SORCS1: variants seen among roughly 807,000 people sequenced by gnomAD.
SORCS1 encodes sortilin related VPS10 domain containing receptor 1, also known as VPS10 domain-containing receptor SorCS1.
SORCS1 carries 60 observed loss-of-function variants against 146.1 expected under a neutral mutation model. That is an observed-to-expected ratio of 0.41 (90% confidence interval 0.33 to 0.51). The LOEUF is 0.51. Among genes scored for constraint, SORCS1 ranks in the 20% least tolerant of loss-of-function variants. The probability of loss-of-function intolerance (pLI) is 0.21; values close to 1 mark genes in which losing one functional copy is unlikely to be tolerated. For missense variants in SORCS1, 1,352 were observed against 1,487.6 expected, an observed-to-expected ratio of 0.91 and a Z score of 1.50; for synonymous variants, 637 against 584.0, an observed-to-expected ratio of 1.09 and a Z score of -1.31.
At chr10:106,592,169 G>A (rs1020859605) in intron 24 of SORCS1, among the ~76,000 whole-genome samples, 3 of 152,104 alleles carry the variant, frequency 2.0e-5, no homozygotes, top group African/African-American at 7.2e-5. Flanking sequence ...TTTCCGCAAA[G>A]AGAATTTCAG....
chr10:107,143,922 C>T (rs1214554531), intron 1 of SORCS1, among the ~76,000 whole-genome samples: 3 of 152,066 alleles, frequency 2.0e-5, no homozygotes, highest in African/African-American at 4.8e-5. Context: ...TGAGCCACTG[C>T]GCCCAGCCCC....
intron 2 of SORCS1, among the ~76,000 whole-genome samples, chr10:106,833,778 CTTTT>C (rs1226447593): frequency 2.2e-5 from 3 of 134,654 alleles, no homozygotes; most frequent in Non-Finnish European, 3.2e-5. Context: ...CAATTTCTTT[CTTTT>C]GTTATTATTA....
At chr10:106,619,456 A>G (rs1242830769) in intron 20 of SORCS1, among the ~76,000 whole-genome samples, 1 of 152,212 alleles carries the variant, frequency 6.6e-6, no homozygotes, top group Non-Finnish European at 1.5e-5. Flanking sequence ...AATAAGAGAC[A>G]TCGTATTTGA....
intron 1 of SORCS1, among the ~76,000 whole-genome samples, chr10:106,971,927 A>C (rs1226854326): frequency 2.6e-5 from 4 of 152,210 alleles, no homozygotes; most frequent in Non-Finnish European, 2.9e-5. Context: ...AGCAAGGCCA[A>C]ATAGAGTATG....
intron 2 of SORCS1, among the ~76,000 whole-genome samples, chr10:106,925,682 A>G (rs10884376): frequency 0.52 from 79,534 of 152,122 alleles, 22,404 homozygotes; most frequent in Non-Finnish European, 0.63. Context: ...AAATTTGTTC[A>G]TGCAGCATTT....
intron 18 of SORCS1, among the ~76,000 whole-genome samples, chr10:106,644,315 G>A (rs1208326625): frequency 2.0e-5 from 3 of 151,636 alleles, no homozygotes; most frequent in Admixed American, 6.6e-5. Flanking sequence ...CAATCACTCC[G>A]CCTCCAAAGT....
At chr10:107,139,707 T>C (rs901853067) in intron 1 of SORCS1, among the ~76,000 whole-genome samples, 55 of 152,224 alleles carry the variant, frequency 3.6e-4, no homozygotes, top group African/African-American at 1.3e-3. Flanking sequence ...ATCTAGTCTT[T>C]TGGCAAGCTC....
intron 5 of SORCS1, among the ~76,000 whole-genome samples, chr10:106,745,354 T>A (rs1034256149): frequency 1.4e-5 from 2 of 147,992 alleles, no homozygotes; most frequent in African/African-American, 5.0e-5. Flanking sequence ...GAGCTTGCAA[T>A]AAGCGGAGAT....
intron 3 of SORCS1, among the ~76,000 whole-genome samples, chr10:106,777,801 A>G (rs1238601346): frequency 8.5e-5 from 13 of 152,136 alleles, no homozygotes; most frequent in Non-Finnish European, 1.5e-5. Flanking sequence ...CAAAGTGTGC[A>G]CCTAATGTCT....
intron 3 of SORCS1, among the ~76,000 whole-genome samples, chr10:106,806,399 TAAAATAA>T (rs1947177827): frequency 1.6e-5 from 2 of 127,548 alleles, no homozygotes; most frequent in African/African-American, 3.5e-5. Context: ...TAAAATAAAA[TAAAATAA>T]AATAAAATAA....
chr10:106,706,512 A>C (rs1343967963), intron 8 of SORCS1, 33 bp downstream of exon 8: 1 of 1,600,676 alleles, frequency 6.2e-7, no homozygotes, highest in South Asian at 1.1e-5. Context: ...ATGAGAGTCA[A>C]GAGTGAAATG....
At chr10:106,732,287 CT>C (rs576894021) in intron 5 of SORCS1, among the ~76,000 whole-genome samples, 42 of 152,306 alleles carry the variant, frequency 2.8e-4, no homozygotes, top group Admixed American at 1.7e-3. Flanking sequence ...ATTTTAATCA[CT>C]GGAATCTGCT....
At chr10:107,080,510 C>T (rs1444131606) in intron 1 of SORCS1, among the ~76,000 whole-genome samples, 4 of 152,288 alleles carry the variant, frequency 2.6e-5, no homozygotes, top group Middle Eastern at 3.4e-3. Context: ...CCCTGAGTCG[C>T]GTGTGGTCTG....
At chr10:107,167,904 T>C (rs979216539), upstream of SORCS1, among the ~76,000 whole-genome samples, 1 of 152,094 alleles carries the variant, frequency 6.6e-6, no homozygotes, top group East Asian at 1.9e-4. Context: ...GTATACTGAT[T>C]GGTGTGCACA....
At chr10:106,780,798 C>T (rs888064637) in intron 3 of SORCS1, among the ~76,000 whole-genome samples, 8 of 152,162 alleles carry the variant, frequency 5.3e-5, no homozygotes, top group East Asian at 1.9e-4. Flanking sequence ...CGACTGACTG[C>T]ACCTGCAGAT....
intron 3 of SORCS1, among the ~76,000 whole-genome samples, chr10:106,828,250 A>G (rs567941794): frequency 6.6e-6 from 1 of 152,276 alleles, no homozygotes; most frequent in Non-Finnish European, 1.5e-5. Context: ...CTGAAAAGTT[A>G]TGCTGTTTCT....
intron 3 of SORCS1, among the ~76,000 whole-genome samples, chr10:106,786,795 T>C (rs773005229): frequency 6.6e-6 from 1 of 152,228 alleles, no homozygotes; most frequent in Non-Finnish European, 1.5e-5. Context: ...GTAATTATTA[T>C]ATTCAATATG....
intron 1 of SORCS1, among the ~76,000 whole-genome samples, chr10:107,116,202 G>T (rs1966027466): frequency 6.6e-6 from 1 of 152,074 alleles, no homozygotes; most frequent in Non-Finnish European, 1.5e-5. Flanking sequence ...AAGACAGTAG[G>T]AAGGCTCTTA....
At chr10:106,582,394 C>T (rs1844975340) in intron 24 of SORCS1, among the ~76,000 whole-genome samples, 1 of 152,190 alleles carries the variant, frequency 6.6e-6, no homozygotes, top group Non-Finnish European at 1.5e-5. Flanking sequence ...AGGCAGGAAG[C>T]AGGAAGCAGG....
Sources: gnomAD v4.1 joint callset for allele counts (sites outside exome capture counted in the v4.1 genomes callset) on GRCh38, gnomAD v4.1.1 for gene constraint, MANE v1.5 for transcripts, NCBI Gene and HGNC (gene_info 2026-07-23, HGNC 2026-07-21) for gene names.